The following OCRL variants were observed in gnomAD, a reference collection of about 807,000 sequenced individuals.
OCRL encodes OCRL inositol polyphosphate-5-phosphatase.
In OCRL, 8 loss-of-function variants were observed where a neutral mutation model predicts 78.9. The observed-to-expected ratio is 0.10, with a 90% confidence interval of 0.06 to 0.18. The LOEUF (loss-of-function observed/expected upper bound fraction) is 0.18. Among genes scored for constraint, OCRL ranks in the 10% least tolerant of loss-of-function variants. The pLI, the probability that OCRL is intolerant of heterozygous loss-of-function variation, is 1.00. For missense variants in OCRL, 454 were observed against 696.7 expected (o/e 0.65, Z 3.92); for synonymous variants, 240 against 235.4 (o/e 1.02, Z -0.18).
intron 2 of OCRL, among the ~76,000 whole-genome samples, chrX:129,541,340 G>A (rs1464173567): frequency 8.9e-6 from 1 of 112,077 alleles, no homozygotes; most frequent in Non-Finnish European, 1.9e-5. Context: ...CCACTGGGTT[G>A]AAGGCATATT....
At position 129,540,340 on chromosome X, in the gene OCRL, A is replaced by G. The variant is rs1376698300; in HGVS notation, c.-100A>G. ...GCGCCCGGCGCGGAGCTGTTCCTCA[A>G]ACGACACGCAGCCGAGGTGGGTGGG... On this transcript the variant is annotated 5_prime_UTR_variant, in exon 1 of 24. Coordinates refer to ENST00000371113, the MANE Select transcript of OCRL (RefSeq NM_000276.4). The G allele has an allele frequency of 2.1e-6, 2 of 957,820 alleles. No individual in the cohort carries two copies. Among genetic ancestry groups the G allele is most frequent in the Non-Finnish European group, 1.4e-6 (1 of 697,194 alleles). 78.9% of individuals were successfully genotyped at this position (957,820 alleles called of 1,213,427 possible).
In OCRL at chrX:129,557,903, G is replaced by C; in HGVS notation, c.392G>C (p.Ser131Thr). Reference protein sequence around the residue: ...LLVPEQKDSSSWYQKLDTKDK... With the variant: ...LLVPEQKDSSTWYQKLDTKDK... ...GTTCCAGAGCAAAAGGACTCATCTA[G>C]CTGGTACCAGAAATTAGACACTAAG... Residue 131 changes from serine (S) to threonine (T), a missense_variant, in exon 6 of 24, where the codon AGC becomes ACC. By Grantham distance (58) the Ser-to-Thr change is moderately conservative. Coordinates refer to ENST00000371113, the MANE Select transcript of OCRL (RefSeq NM_000276.4). 1 of 1,205,516 alleles carries C rather than the reference G, an allele frequency of 8.3e-7. No individual in the cohort carries two copies. Among genetic ancestry groups the C allele is most frequent in the African/African-American group, 1.7e-5 (1 of 57,722 alleles).
Position 129,586,819 on chromosome X carries a change from T to C in OCRL, c.2140-183T>C, listed in dbSNP as rs183284884. 14 of 550,555 alleles carry C rather than the reference T, an allele frequency of 2.5e-5. No individual in the cohort carries two copies. In the African/African-American group the frequency reaches 2.7e-4, roughly 11 times the overall value. The allele number at this position is 550,555 out of a possible 1,213,427, so 45.4% of individuals were successfully genotyped here. On this transcript the variant is annotated intron_variant, in intron 19 of 23. Coordinates refer to ENST00000371113, the MANE Select transcript of OCRL (RefSeq NM_000276.4). Reference sequence around the variant, plus strand: ...GAAGCATTTAGGAAAGGACATCCTTTAACTATGGGACTCGCTATCAAGTGC... The same window carrying C: ...GAAGCATTTAGGAAAGGACATCCTTCAACTATGGGACTCGCTATCAAGTGC...
At chrX:129,569,779 A>C (rs914964642) in intron 15 of OCRL, among the ~76,000 whole-genome samples, 1 of 110,563 alleles carries the variant, frequency 9.0e-6, no homozygotes, top group African/African-American at 3.3e-5. Flanking sequence ...GACTGATCAG[A>C]ATACAGCCAA....
chrX:129,589,523 G>A (rs1936560372), intron 22 of OCRL: 1 of 328,898 alleles, frequency 3.0e-6, no homozygotes, highest in Admixed American at 4.8e-5. Context: ...CAGCTTGGTA[G>A]GTGCCGTGGC....
intron 18 of OCRL, among the ~76,000 whole-genome samples, chrX:129,581,803 C>T (rs917501082): frequency 1.0e-4 from 10 of 96,194 alleles, no homozygotes; most frequent in East Asian, 3.6e-4. Flanking sequence ...TGACCTACCT[C>T]GGTAGCCTTT....
chrX:129,583,620 G>C (rs1053754430), intron 18 of OCRL, among the ~76,000 whole-genome samples: 6 of 111,933 alleles, frequency 5.4e-5, no homozygotes, highest in African/African-American at 2.0e-4. Context: ...GGTGGTGGTA[G>C]TTATCATGGC....
At chrX:129,567,387 C>G (rs906729036) in intron 14 of OCRL, 24 bp downstream of exon 14, 4 of 1,013,730 alleles carry the variant, frequency 3.9e-6, no homozygotes, top group Non-Finnish European at 5.6e-6. Context: ...AACCTTCTCA[C>G]AGAGAAGGTT....
rs191383825 is a variant in OCRL, at chrX:129,591,816, C to T, written c.*1546C>T. ...AGCAATAGGAGTCAAGTTACTGGTG[C>T]CACAGATCTGGAGGTATGATAGGTC... On this transcript the variant is annotated 3_prime_UTR_variant, in exon 24 of 24. Transcript: ENST00000371113. 8.9e-6 allele frequency: 1 copy of T among 112,283 alleles called. No individual in the cohort carries two copies. Among genetic ancestry groups the T allele is most frequent in the Non-Finnish European group, 1.9e-5 (1 of 53,121 alleles). The allele number at this position is 112,283 out of a possible 1,213,427, so 9.3% of individuals were successfully genotyped here.
intron 14 of OCRL, among the ~76,000 whole-genome samples, chrX:129,567,836 A>T (rs1936237235): frequency 9.0e-6 from 1 of 111,490 alleles, no homozygotes; most frequent in African/African-American, 3.3e-5. Context: ...ACTTCAAAAA[A>T]TACTGATGCT....
intron 18 of OCRL, among the ~76,000 whole-genome samples, chrX:129,578,106 C>T (rs1171193787): frequency 9.0e-6 from 1 of 110,764 alleles, no homozygotes; most frequent in Admixed American, 9.6e-5. Flanking sequence ...GGTAATATGT[C>T]ACTTCACCAC....
In OCRL at chrX:129,590,863, T is replaced by C. The variant is rs1238995816; in HGVS notation, c.*593T>C. ...TTTCTACTACAATGGCATCTTTATG[T>C]CTCTGTAACATTGGCCTTTTCATGG... On this transcript the variant is annotated 3_prime_UTR_variant, in exon 24 of 24. Transcript: ENST00000371113. 2 of 124,846 alleles carry C rather than the reference T, an allele frequency of 1.6e-5. No homozygotes were observed. Among genetic ancestry groups the C allele is most frequent in the Non-Finnish European group, 3.3e-5 (2 of 60,760 alleles). 10.3% of individuals were successfully genotyped at this position (124,846 alleles called of 1,213,427 possible). A position where few individuals can be genotyped will look rare whatever the true frequency, so the allele number is the denominator to read the frequency against.
intron 9 of OCRL, 134 bp from the exon 10 acceptor site, chrX:129,561,045 G>C (rs1432089048): frequency 2.0e-6 from 1 of 507,768 alleles, no homozygotes; most frequent in East Asian, 3.4e-5. Flanking sequence ...CTGATAACCT[G>C]GGTGAACAGA....
chrX:129,588,139 G>A (rs773596946), intron 20 of OCRL, 40 bp from the exon 21 acceptor site: 3 of 984,822 alleles, frequency 3.0e-6, no homozygotes, highest in East Asian at 3.1e-5. Context: ...CCTCAGGAGT[G>A]ATTATCTTGC....
Position 129,590,525 on chromosome X carries a change from C to G in OCRL, c.*255C>G, listed in dbSNP as rs1936573454. 2.8e-6 allele frequency: 1 copy of G among 359,206 alleles called. No individual in the cohort carries two copies. The highest frequency in any genetic ancestry group is 3.5e-5 in the South Asian group (1 of 28,715). 29.6% of individuals were successfully genotyped at this position (359,206 alleles called of 1,213,427 possible). On this transcript the variant is annotated 3_prime_UTR_variant, in exon 24 of 24. Coordinates refer to ENST00000371113, the MANE Select transcript of OCRL (RefSeq NM_000276.4). Reference sequence around the variant, plus strand: ...TTTTCTCTTTATAAGGCAAAAAGATCTGTATTTACACTCCTTCACCTAGGG... The same window carrying G: ...TTTTCTCTTTATAAGGCAAAAAGATGTGTATTTACACTCCTTCACCTAGGG...
chrX:129,575,387 G>A (rs757983363), intron 16 of OCRL, 137 bp downstream of exon 16: 1 of 454,558 alleles, frequency 2.2e-6, no homozygotes, highest in Non-Finnish European at 3.9e-6. Flanking sequence ...TCCAGTTGTA[G>A]CACGGCTGTT....
rs1225553708 is a variant in OCRL, at chrX:129,576,339, T to C, written c.1902T>C (p.Leu634=). Residue 634 remains leucine, a synonymous_variant, in exon 18 of 24, where the codon CTT becomes CTC. Coordinates refer to ENST00000371113, the MANE Select transcript of OCRL (RefSeq NM_000276.4). ...CAGATGAGACAGTGGACATTTCTCTTGATGTGTATGTCAGCAAAGACTCTG... is the reference window on the plus strand; with the variant it reads ...CAGATGAGACAGTGGACATTTCTCTCGATGTGTATGTCAGCAAAGACTCTG... The part of the protein sequence containing the change: ...LEPNETVDIS[L]DVYVSKDSVT... 1 of 1,207,785 alleles carries C rather than the reference T, an allele frequency of 8.3e-7. No homozygotes were observed. The highest frequency in any genetic ancestry group is 1.8e-5 in the South Asian group (1 of 56,878).
intron 21 of OCRL, 136 bp downstream of exon 21, chrX:129,588,399 C>A: frequency 1.9e-6 from 1 of 526,522 alleles, no homozygotes. Flanking sequence ...CACTGACTAT[C>A]CACTTGTTTC....
At position 129,540,376 on chromosome X, in the gene OCRL, C is replaced by T. The variant is rs947616083; in HGVS notation, c.-64C>T. 6 of 1,101,324 alleles carry T rather than the reference C, an allele frequency of 5.4e-6. No homozygotes were observed. Among genetic ancestry groups the T allele is most frequent in the Non-Finnish European group, 6.1e-6 (5 of 823,850 alleles). The allele number at this position is 1,101,324 out of a possible 1,213,427, so 90.8% of individuals were successfully genotyped here. A position where few individuals can be genotyped will look rare whatever the true frequency, so the allele number is the denominator to read the frequency against. On this transcript the variant is annotated 5_prime_UTR_variant, in exon 1 of 24. Coordinates refer to ENST00000371113, the MANE Select transcript of OCRL (RefSeq NM_000276.4). ...GCCGAGGTGGGTGGGTGTGGGGACG[C>T]GGGAGCCAGTGTCGTCGGATCGGCC...
Sources: allele counts gnomAD v4.1 joint callset (sites outside exome capture counted in the v4.1 genomes callset), GRCh38; gene constraint gnomAD v4.1.1; transcripts MANE v1.5; gene names NCBI Gene and HGNC (gene_info 2026-07-23, HGNC 2026-07-21).